AGFG1: variants seen among roughly 807,000 people sequenced by gnomAD.
The protein encoded by AGFG1 is arf-GAP domain and FG repeat-containing protein 1.
In AGFG1, 10 loss-of-function variants were observed where a neutral mutation model predicts 60.6. That is an observed-to-expected ratio of 0.16 (90% CI 0.10 to 0.28). AGFG1 has a LOEUF of 0.28. Ranked by LOEUF, AGFG1 falls within the 10% of genes least tolerant of loss-of-function variation. The pLI is 1.00. For synonymous variants in AGFG1, 247 were observed against 242.9 expected, an observed-to-expected ratio of 1.02 and a Z score of -0.16; for missense variants, 537 against 676.5, an observed-to-expected ratio of 0.79 and a Z score of 2.29.
intron 2 of AGFG1, among the ~76,000 whole-genome samples, chr2:227,494,015 T>C (rs1358178575): frequency 4.6e-5 from 7 of 152,058 alleles, no homozygotes; most frequent in Non-Finnish European, 7.4e-5. Context: ...TGCAATAGGT[T>C]GCTAGGAAAT....
chr2:227,553,836 A>G, intron 12 of AGFG1, 41 bp downstream of exon 12: 1 of 1,447,298 alleles, frequency 6.9e-7, no homozygotes, highest in Non-Finnish European at 9.6e-7. Context: ...AAGTTGTTAA[A>G]TCTTATTTTA....
chr2:227,548,967 A>G (rs1261340128), intron 10 of AGFG1, among the ~76,000 whole-genome samples: 1 of 151,870 alleles, frequency 6.6e-6, no homozygotes, highest in African/African-American at 2.4e-5. Context: ...AGATAAATAT[A>G]AGGGCCACAT....
At chr2:227,481,650 C>A (rs988837546) in intron 1 of AGFG1, among the ~76,000 whole-genome samples, 1 of 152,152 alleles carries the variant, frequency 6.6e-6, no homozygotes, top group Non-Finnish European at 1.5e-5. Context: ...TTCTCTTGTT[C>A]TCTGACGCTC....
At chr2:227,474,681 A>C (rs183170561) in intron 1 of AGFG1, among the ~76,000 whole-genome samples, 1 of 152,234 alleles carries the variant, frequency 6.6e-6, no homozygotes, top group East Asian at 1.9e-4. Context: ...CTTTCTGTGA[A>C]TGAGATAGCC....
At chr2:227,522,411 T>A in intron 3 of AGFG1, among the ~76,000 whole-genome samples, 1 of 152,266 alleles carries the variant, frequency 6.6e-6, no homozygotes, top group Admixed American at 6.5e-5. Context: ...GTATTCATTC[T>A]CATACATCTT....
intron 1 of AGFG1, among the ~76,000 whole-genome samples, chr2:227,480,258 ATTTATTTTTACGAC>A (rs1187308849): frequency 6.6e-6 from 1 of 152,174 alleles, no homozygotes; most frequent in East Asian, 1.9e-4. Flanking sequence ...GAGGTAATAC[ATTTATTTTTACGAC>A]TCTAGGGGGA....
At chr2:227,488,888 A>G (rs1160328638) in intron 1 of AGFG1, among the ~76,000 whole-genome samples, 1 of 152,220 alleles carries the variant, frequency 6.6e-6, no homozygotes, top group Non-Finnish European at 1.5e-5. Flanking sequence ...ATCTTGGCTC[A>G]CTGCACCCTC....
chr2:227,521,208 G>A (rs1575094103), intron 3 of AGFG1, among the ~76,000 whole-genome samples: 1 of 152,074 alleles, frequency 6.6e-6, no homozygotes, highest in East Asian at 1.9e-4. Flanking sequence ...TGGGATTACA[G>A]GCACCCACCA....
rs537683618 is a variant in AGFG1 at position 227,494,861 on chromosome 2, A to G, written c.261+3221A>G. On this transcript the variant is annotated intron_variant, in intron 2 of 12. Transcript: ENST00000310078. ...AAGTTACAGGGCAAAGGGCATGGAT[A>G]CAATCACACAACTGATGGCAATACG... 3.3e-5 allele frequency among the ~76,000 whole-genome samples: 5 copies of G among 152,364 alleles called. No individual in the cohort carries two copies. The East Asian group carries it at 9.6e-4, about 29-fold the overall frequency.
chr2:227,502,263 T>C (rs1473629748), intron 2 of AGFG1, among the ~76,000 whole-genome samples: 1 of 152,214 alleles, frequency 6.6e-6, no homozygotes, highest in Non-Finnish European at 1.5e-5. Context: ...ATTTGTTCAT[T>C]CTTCTTTGTC....
intron 3 of AGFG1, among the ~76,000 whole-genome samples, chr2:227,522,975 A>T (rs1389063868): frequency 1.3e-5 from 2 of 151,924 alleles, no homozygotes; most frequent in Non-Finnish European, 2.9e-5. Context: ...ATTATCGTAA[A>T]TTTTTTTTCC....
chr2:227,489,333 C>T (rs1055146057), intron 1 of AGFG1, among the ~76,000 whole-genome samples: 3 of 144,466 alleles, frequency 2.1e-5, no homozygotes, highest in African/African-American at 5.2e-5. Context: ...TGGGGTCAAG[C>T]GATTCTCCTG....
intron 5 of AGFG1, 82 bp downstream of exon 5, chr2:227,524,997 A>G: frequency 1.3e-6 from 2 of 1,496,610 alleles, no homozygotes; most frequent in Non-Finnish European, 9.2e-7. Flanking sequence ...CACTTTGAGG[A>G]TCAGTAAACA....
chr2:227,543,148 C>G (rs1475639518), intron 10 of AGFG1, among the ~76,000 whole-genome samples: 6 of 152,046 alleles, frequency 3.9e-5, no homozygotes, highest in Non-Finnish European at 8.8e-5. Flanking sequence ...TTTTGTGTCT[C>G]TCTCTCCTTC....
intron 1 of AGFG1, among the ~76,000 whole-genome samples, chr2:227,489,857 C>T (rs1285002123): frequency 6.7e-6 from 1 of 150,112 alleles, no homozygotes; most frequent in Non-Finnish European, 1.5e-5. Context: ...GCTCTGTTTT[C>T]CAGGATGGAG....
chr2:227,512,569 C>A (rs1388292136), intron 2 of AGFG1, among the ~76,000 whole-genome samples: 1 of 152,090 alleles, frequency 6.6e-6, no homozygotes, highest in Admixed American at 6.6e-5. Context: ...GACTTTTTCT[C>A]CCTCGTTTAT....
intron 11 of AGFG1, among the ~76,000 whole-genome samples, chr2:227,552,624 T>C (rs1476083225): frequency 6.6e-6 from 1 of 152,032 alleles, no homozygotes; most frequent in Non-Finnish European, 1.5e-5. Flanking sequence ...CAGTTTGAAG[T>C]GCATAGATTT....
At chr2:227,489,781 TGAG>T (rs936538010) in intron 1 of AGFG1, among the ~76,000 whole-genome samples, 1 of 152,050 alleles carries the variant, frequency 6.6e-6, no homozygotes, top group Non-Finnish European at 1.5e-5. Flanking sequence ...AGCAGTGAAT[TGAG>T]GAGCTTCTCC....
chr2:227,505,635 C>A (rs1691290668), intron 2 of AGFG1, among the ~76,000 whole-genome samples: 1 of 151,984 alleles, frequency 6.6e-6, no homozygotes, highest in Admixed American at 6.6e-5. Flanking sequence ...TGTATTTTTT[C>A]TGTTATTTCT....
Sources: gnomAD v4.1 joint callset for allele counts (sites outside exome capture counted in the v4.1 genomes callset) on GRCh38, gnomAD v4.1.1 for gene constraint, MANE v1.5 for transcripts, NCBI Gene and HGNC (gene_info 2026-07-23, HGNC 2026-07-21) for gene names.